The following HDAC9 variants were observed in gnomAD, a reference collection of about 807,000 sequenced individuals.
HDAC9 encodes the protein histone deacetylase 9.
A neutral mutation model predicts 139.4 loss-of-function variants in HDAC9; 41 were observed. That is an observed-to-expected ratio of 0.29 (90% CI 0.23 to 0.38). HDAC9 has a LOEUF of 0.38. Ranked by LOEUF, HDAC9 falls within the 10% of genes least tolerant of loss-of-function variation. The pLI is 1.00. For synonymous variants in HDAC9, 517 were observed against 476.2 expected (o/e 1.09, Z -1.12); for missense variants, 1,147 against 1,297.0 (o/e 0.88, Z 1.78).
At chr7:18,877,563 T>C (rs1463040558) in intron 22 of HDAC9, among the ~76,000 whole-genome samples, 3 of 152,238 alleles carry the variant, frequency 2.0e-5, no homozygotes, top group Admixed American at 1.3e-4. Context: ...TTGAGGATGC[T>C]ATCCATGTCA....
intron 1 of HDAC9, among the ~76,000 whole-genome samples, chr7:18,105,753 C>T (rs1191057778): frequency 1.3e-5 from 2 of 151,932 alleles, no homozygotes; most frequent in African/African-American, 4.8e-5. Flanking sequence ...GAATTGAAAA[C>T]ATATTTCCAG....
Position 18,273,439 on chromosome 7 carries a change from C to A in HDAC9, c.25+111090C>A, listed in dbSNP as rs1210502751. Among the ~76,000 whole-genome samples, 6 of 152,094 alleles carry A rather than the reference C, an allele frequency of 3.9e-5. No homozygotes were observed. In the South Asian group the frequency reaches 1.0e-3, roughly 26 times the overall value. The stretch of plus-strand genomic sequence containing the variant: ...GACCAGACTGGAGAGCCAGAAAGGA[C>A]TAATTTACACATAATATATACATAT... On this transcript the variant is annotated intron_variant, in intron 2 of 12. Coordinates refer to the HDAC9 transcript ENST00000417496.
intron 6 of HDAC9, among the ~76,000 whole-genome samples, chr7:18,623,071 G>A (rs929803574): frequency 4.6e-5 from 7 of 151,544 alleles, no homozygotes; most frequent in Non-Finnish European, 8.8e-5. Flanking sequence ...TTGAGCCCAG[G>A]AAGTTGAGGC....
intron 22 of HDAC9, among the ~76,000 whole-genome samples, chr7:18,895,086 AAG>A (rs1243831701): frequency 6.6e-6 from 1 of 152,120 alleles, no homozygotes; most frequent in Non-Finnish European, 1.5e-5. Context: ...AGGAGTGAAA[AAG>A]GGGATCTACT....
chr7:18,549,152 C>A (rs181453601), intron 2 of HDAC9, among the ~76,000 whole-genome samples: 1 of 152,086 alleles, frequency 6.6e-6, no homozygotes, highest in Non-Finnish European at 1.5e-5. Flanking sequence ...GCAGGAGAAT[C>A]GCTTGGACCT....
At chr7:18,387,405 A>G (rs903732236) in intron 1 of HDAC9, among the ~76,000 whole-genome samples, 1 of 152,216 alleles carries the variant, frequency 6.6e-6, no homozygotes, top group Non-Finnish European at 1.5e-5. Flanking sequence ...CTATTATAGA[A>G]TCTGAGTACA....
intron 1 of HDAC9, among the ~76,000 whole-genome samples, chr7:18,390,867 T>G (rs1786407996): frequency 6.6e-6 from 1 of 152,218 alleles, no homozygotes; most frequent in Non-Finnish European, 1.5e-5. Context: ...GGCAGGCAGA[T>G]CACTTGAGGT....
At chr7:18,308,973 G>A (rs1799113549) in intron 1 of HDAC9, among the ~76,000 whole-genome samples, 1 of 152,156 alleles carries the variant, frequency 6.6e-6, no homozygotes, top group Non-Finnish European at 1.5e-5. Context: ...TCACATGGCT[G>A]GTGAGAGGAG....
At chr7:18,102,822 G>A (rs918764503) in intron 1 of HDAC9, among the ~76,000 whole-genome samples, 11 of 152,216 alleles carry the variant, frequency 7.2e-5, no homozygotes, top group Non-Finnish European at 1.2e-4. Flanking sequence ...TTAAAGGACG[G>A]GGTGTGCTGT....
At chr7:18,554,359 C>T (rs1392989452) in intron 2 of HDAC9, among the ~76,000 whole-genome samples, 1 of 97,548 alleles carries the variant, frequency 1.0e-5, no homozygotes, top group African/African-American at 4.0e-5. Context: ...TTTTTTGAGA[C>T]GGAGTCTCTG....
chr7:18,642,148 C>T (rs539723884), intron 8 of HDAC9, among the ~76,000 whole-genome samples: 1 of 152,142 alleles, frequency 6.6e-6, no homozygotes, highest in South Asian at 2.1e-4. Flanking sequence ...TTGGGAAGAA[C>T]CAACTATACC....
intron 1 of HDAC9, chr7:18,458,809 T>A (rs1793579350): frequency 6.7e-7 from 1 of 1,494,916 alleles, no homozygotes; most frequent in East Asian, 2.5e-5. Flanking sequence ...GGAGGGTCCT[T>A]CCTTCTTCAA....
chr7:18,956,747 GTT>G (rs1211678629), intron 24 of HDAC9, among the ~76,000 whole-genome samples: 1 of 152,110 alleles, frequency 6.6e-6, no homozygotes, highest in Non-Finnish European at 1.5e-5. Flanking sequence ...CAGGGGAGCT[GTT>G]TTTAGTCTAA....
intron 16 of HDAC9, among the ~76,000 whole-genome samples, chr7:18,792,991 C>G (rs1792462768): frequency 6.6e-6 from 1 of 152,124 alleles, no homozygotes; most frequent in Non-Finnish European, 1.5e-5. Context: ...CTACTGGGGC[C>G]TGGTTTCTAG....
intron 12 of HDAC9, among the ~76,000 whole-genome samples, chr7:18,697,799 ATT>A (rs36014102): frequency 4.0e-5 from 6 of 148,586 alleles, no homozygotes; most frequent in Admixed American, 6.7e-5. Context: ...TAAACAGTAG[ATT>A]TTTTTTTTTG....
In HDAC9 at chr7:18,593,910, C is replaced by G; in HGVS notation, c.545C>G (p.Ala182Gly). The change falls in exon 6 of 26, where the codon GCT becomes GGT. Residue 182 changes from alanine (A) to glycine (G), a missense_variant and splice_region_variant. Around this residue, in one of 7 missense-constraint regions of HDAC9, gnomAD observed 79 missense variants for 65.8 expected, o/e 1.20. Transcript: ENST00000686413. ...TGAAACTTCCTTGTCTTTTCTAGGG[C>G]TGCCCACCACACATCATTGGATCAA... ...VSRHPKLWYT[A>G]AHHTSLDQSS... 6.2e-7 allele frequency: 1 copy of G among 1,612,554 alleles called. No individual in the cohort carries two copies. The highest frequency in any genetic ancestry group is 1.3e-5 in the African/African-American group (1 of 74,948).
At chr7:18,890,458 C>T (rs1800580239) in intron 22 of HDAC9, among the ~76,000 whole-genome samples, 1 of 152,100 alleles carries the variant, frequency 6.6e-6, no homozygotes, top group Admixed American at 6.5e-5. Flanking sequence ...GATGACTCTC[C>T]CAGACATCTA....
intron 22 of HDAC9, among the ~76,000 whole-genome samples, chr7:18,930,064 A>G (rs1217787926): frequency 6.6e-6 from 1 of 152,198 alleles, no homozygotes; most frequent in Non-Finnish European, 1.5e-5. Flanking sequence ...TAGTCAGTGC[A>G]TCCCAATATG....
rs1283136731 is a variant in HDAC9 at position 18,996,353 on chromosome 7, A to C, written c.*291A>C. The C allele has an allele frequency of 1.3e-5, 4 of 315,332 alleles. No homozygotes were observed. The highest frequency in any genetic ancestry group is 3.9e-5 in the South Asian group (1 of 25,502). 19.5% of individuals were successfully genotyped at this position (315,332 alleles called of 1,614,324 possible). On this transcript the variant is annotated 3_prime_UTR_variant, in exon 26 of 26. Coordinates refer to ENST00000686413, the MANE Select transcript of HDAC9 (RefSeq NM_178425.4). ...TATGCTGGGTGACCCACTCCTAGAC[A>C]CCAAGTTTGAACTAGAAACATTCAG...
Sources: gnomAD v4.1 joint callset for allele counts (sites outside exome capture counted in the v4.1 genomes callset) on GRCh38, gnomAD v4.1.1 for gene constraint, gnomAD v4.1.1 regional missense constraint, MANE v1.5 for transcripts, NCBI Gene and HGNC (gene_info 2026-07-23, HGNC 2026-07-21) for gene names.